Variants in IL1RL2 observed in about 807,000 individuals in gnomAD.
IL1RL2 encodes the protein interleukin-1 receptor-like 2.
A neutral mutation model predicts 66.8 loss-of-function variants in IL1RL2; 68 were observed. The ratio of observed to expected loss-of-function variants is 1.02; its 90% CI spans 0.84 to 1.25. The LOEUF (loss-of-function observed/expected upper bound fraction) is 1.25, where lower values mean the gene tolerates loss of function less well. Ranked by LOEUF, IL1RL2 falls within the 50% of genes most tolerant of loss-of-function variation. The pLI, the probability that IL1RL2 is intolerant of heterozygous loss-of-function variation, is 0.00. For missense variants in IL1RL2, 729 were observed against 709.3 expected (o/e 1.03, Z -0.32); for synonymous variants, 305 against 264.6 (o/e 1.15, Z -1.48).
chr2:102,216,567 T>C (rs1041618261), intron 6 of IL1RL2, among the ~76,000 whole-genome samples: 1 of 152,182 alleles, frequency 6.6e-6, no homozygotes, highest in African/African-American at 2.4e-5. Context: ...TTAATCCATT[T>C]ACATTCAAGA....
chr2:102,197,909 G>T (rs914529667), intron 4 of IL1RL2, among the ~76,000 whole-genome samples: 1 of 152,204 alleles, frequency 6.6e-6, no homozygotes, highest in African/African-American at 2.4e-5. Context: ...TTGTGGTAGA[G>T]GTAGCGGCTC....
At chr2:102,227,361 A>C (rs1690711091) in intron 9 of IL1RL2, among the ~76,000 whole-genome samples, 1 of 152,244 alleles carries the variant, frequency 6.6e-6, no homozygotes, top group Non-Finnish European at 1.5e-5. Flanking sequence ...TAAAATACAC[A>C]GTACGGTTGT....
At chr2:102,200,146 G>C (rs1688134424) in intron 4 of IL1RL2, among the ~76,000 whole-genome samples, 1 of 141,360 alleles carries the variant, frequency 7.1e-6, no homozygotes, top group Non-Finnish European at 1.5e-5. Context: ...AAAAGTGCTT[G>C]TCTGTATCCT....
At chr2:102,194,544 G>A (rs1008063079) in intron 4 of IL1RL2, among the ~76,000 whole-genome samples, 1 of 140,602 alleles carries the variant, frequency 7.1e-6, no homozygotes, top group African/African-American at 2.4e-5. Flanking sequence ...CAGTGTATAA[G>A]AGTTATTTAT....
Position 102,219,025 on chromosome 2 carries a change from A to G in IL1RL2, c.797A>G (p.Asn266Ser), listed in dbSNP as rs1199696236. 3 of 1,613,928 alleles carry G rather than the reference A, an allele frequency of 1.9e-6. No homozygotes were observed. Among genetic ancestry groups the G allele is most frequent in the South Asian group, 1.1e-5 (1 of 91,076 alleles). Residue 266 changes from asparagine (N) to serine (S), a missense_variant, in exon 7 of 12, where the codon AAT becomes AGT. Transcript: ENST00000264257. ...DNTNLRCWRVNNTLVDDYYDE... is the reference protein window; with the variant it reads ...DNTNLRCWRVSNTLVDDYYDE... ...ACAAATCTACGATGCTGGAGAGTCA[A>G]TAACACTTTGGTGGATGATTACTAT...
At chr2:102,236,424 T>C (rs974344737) in intron 11 of IL1RL2, among the ~76,000 whole-genome samples, 2 of 152,224 alleles carry the variant, frequency 1.3e-5, no homozygotes, top group African/African-American at 4.8e-5. Flanking sequence ...CAGTGTGGGA[T>C]GGACTTTCAG....
At chr2:102,212,231 C>A in intron 6 of IL1RL2, 57 bp downstream of exon 6, 1 of 1,213,612 alleles carries the variant, frequency 8.2e-7, no homozygotes, top group Non-Finnish European at 1.2e-6. Flanking sequence ...ATTATGTTTG[C>A]ATATTCTGGT....
Position 102,187,102 on chromosome 2 carries a change from G to A in IL1RL2, c.-13+16G>A. On this transcript the variant is annotated intron_variant, in intron 1 of 11. Transcript: ENST00000264257. ...CTGCAGGCAGGTAGACACCGGGCCGGGAGTCTGGCTGAGCCAGGCATGGGT... is the reference window on the plus strand; with the variant it reads ...CTGCAGGCAGGTAGACACCGGGCCGAGAGTCTGGCTGAGCCAGGCATGGGT... 1 of 1,289,774 alleles carries A rather than the reference G, an allele frequency of 7.8e-7. No individual in the cohort carries two copies. Among genetic ancestry groups the A allele is most frequent in the Non-Finnish European group, 1.0e-6 (1 of 988,776 alleles). 79.9% of individuals were successfully genotyped at this position (1,289,774 alleles called of 1,614,324 possible).
intron 4 of IL1RL2, among the ~76,000 whole-genome samples, chr2:102,197,841 A>G (rs1687915818): frequency 6.6e-6 from 1 of 151,614 alleles, no homozygotes; most frequent in African/African-American, 2.4e-5. Flanking sequence ...ATAAGCGGCA[A>G]CTCCTGGTCT....
intron 4 of IL1RL2, among the ~76,000 whole-genome samples, chr2:102,194,847 G>A (rs56160461): frequency 0.27 from 40,391 of 151,882 alleles, 6,311 homozygotes; most frequent in East Asian, 0.39. Context: ...CCCTGGGCTC[G>A]AGTGACCCTT....
chr2:102,197,106 A>T (rs747603143), intron 4 of IL1RL2, among the ~76,000 whole-genome samples: 1 of 152,196 alleles, frequency 6.6e-6, no homozygotes, highest in Non-Finnish European at 1.5e-5. Flanking sequence ...AATTTTTCTA[A>T]TTGTAAGGAG....
In IL1RL2 at chr2:102,235,236, C is replaced by T. The variant is rs72998581; in HGVS notation, c.1637C>T (p.Pro546Leu). Residue 546 changes from proline to leucine, a missense_variant, in exon 11 of 12, where the codon CCG becomes CTG. Pro to Leu is a moderately conservative substitution (Grantham distance 98). Transcript: ENST00000264257. ...CCCAGAAGGTGTCGGCCGTTTCCTC[C>T]GGTCCAGCTGCTGCAGCACACACCT... is the stretch of plus-strand genomic sequence containing the variant. ...MPPRRCRPFP[P>L]VQLLQHTPCY... is the part of the protein sequence containing the mutation. 16 of 1,613,940 alleles carry T rather than the reference C, an allele frequency of 9.9e-6. No homozygotes were observed. Among genetic ancestry groups the T allele is most frequent in the South Asian group, 6.6e-5 (6 of 91,084 alleles).
intron 9 of IL1RL2, among the ~76,000 whole-genome samples, chr2:102,229,982 A>G (rs1690975450): frequency 6.6e-6 from 1 of 152,386 alleles, no homozygotes; most frequent in South Asian, 2.1e-4. Flanking sequence ...AATCAGAAAC[A>G]GTAGGAAAAA....
chr2:102,235,603 G>A (rs1316109158), intron 11 of IL1RL2: 1 of 985,428 alleles, frequency 1.0e-6, no homozygotes, highest in Non-Finnish European at 1.2e-6. Flanking sequence ...AATGGCAGTG[G>A]ACATGCCCGG....
chr2:102,230,700 T>A (rs1691048723), intron 9 of IL1RL2, among the ~76,000 whole-genome samples: 1 of 152,194 alleles, frequency 6.6e-6, no homozygotes, highest in East Asian at 1.9e-4. Flanking sequence ...CACGTGTGTG[T>A]GTGCATGCGT....
chr2:102,210,512 G>A (rs1338678194), intron 5 of IL1RL2, among the ~76,000 whole-genome samples: 2 of 152,158 alleles, frequency 1.3e-5, no homozygotes, highest in Non-Finnish European at 2.9e-5. Context: ...GTACAGAAGC[G>A]CAGGTAAGGC....
chr2:102,237,640 C>A (rs536292450), intron 11 of IL1RL2, among the ~76,000 whole-genome samples: 1 of 152,128 alleles, frequency 6.6e-6, no homozygotes, highest in Non-Finnish European at 1.5e-5. Flanking sequence ...AGAGAGAAAT[C>A]GAGATGCAAA....
intron 9 of IL1RL2, among the ~76,000 whole-genome samples, chr2:102,231,508 TAAA>T (rs1051703463): frequency 7.1e-6 from 1 of 140,224 alleles, no homozygotes; most frequent in African/African-American, 2.9e-5. Context: ...AAAAATAAAA[TAAA>T]AAAATAAAAT....
Position 102,219,894 on chromosome 2 carries a change from T to C in IL1RL2, c.868T>C (p.Phe290Leu). ...IREGVETHVS[F>L]REHNLYTVNI... ...TTTCTTTTATAGAACCCATGTCTCTTTTCGGGAACATAATTTGTACACAGT... is the reference window on the plus strand; with the variant it reads ...TTTCTTTTATAGAACCCATGTCTCTCTTCGGGAACATAATTTGTACACAGT... The change falls in exon 8 of 12, where the codon TTT (phenylalanine) becomes CTT (leucine). Residue 290 changes from phenylalanine to leucine, a missense_variant. Phe to Leu is a conservative substitution (Grantham distance 22, BLOSUM62 0). Transcript: ENST00000264257. The C allele has an allele frequency of 6.2e-7, 1 of 1,610,810 alleles. No individual in the cohort carries two copies. The highest frequency in any genetic ancestry group is 8.5e-7 in the Non-Finnish European group (1 of 1,177,174).
Sources: gnomAD v4.1 joint callset for allele counts (sites outside exome capture counted in the v4.1 genomes callset) on GRCh38, gnomAD v4.1.1 for gene constraint, MANE v1.5 for transcripts, NCBI Gene and HGNC (gene_info 2026-07-23, HGNC 2026-07-21) for gene names.